Variants in RTN4RL1 observed in about 807,000 individuals in gnomAD.
RTN4RL1 encodes reticulon-4 receptor-like 1.
A neutral mutation model predicts 25.6 loss-of-function variants in RTN4RL1; 7 were observed. That is an observed-to-expected ratio of 0.27 (90% confidence interval 0.16 to 0.51). RTN4RL1 has a LOEUF of 0.51. RTN4RL1 is among the 20% of genes least tolerant of loss of function. RTN4RL1 has a pLI of 0.97. For synonymous variants in RTN4RL1, 297 were observed against 288.2 expected (o/e 1.03, Z -0.31); for missense variants, 500 against 615.6 (o/e 0.81, Z 1.99).
At chr17:2,018,586 A>G (rs2067157684) in intron 1 of RTN4RL1, among the ~76,000 whole-genome samples, 1 of 152,182 alleles carries the variant, frequency 6.6e-6, no homozygotes, top group Non-Finnish European at 1.5e-5. Flanking sequence ...AGAAATCAAG[A>G]CAGATGGGCA....
intron 1 of RTN4RL1, among the ~76,000 whole-genome samples, chr17:1,955,676 C>G (rs545535128): frequency 2.6e-5 from 4 of 151,756 alleles, no homozygotes; most frequent in Non-Finnish European, 5.9e-5. Flanking sequence ...CTCCACCTCC[C>G]GGGTTCAAGC....
intron 1 of RTN4RL1, among the ~76,000 whole-genome samples, chr17:1,943,828 C>A (rs999959002): frequency 6.6e-6 from 1 of 152,182 alleles, no homozygotes; most frequent in African/African-American, 2.4e-5. Context: ...TATTGCTGGA[C>A]GTGGGGCGTG....
intron 1 of RTN4RL1, among the ~76,000 whole-genome samples, chr17:2,014,689 G>C (rs373941370): frequency 2.0e-5 from 3 of 152,104 alleles, no homozygotes; most frequent in Non-Finnish European, 4.4e-5. Flanking sequence ...AAAATTAGCC[G>C]GGTGTGGTGG....
At chr17:1,968,789 G>A (rs138386216) in intron 1 of RTN4RL1, among the ~76,000 whole-genome samples, 151 of 152,348 alleles carry the variant, frequency 9.9e-4, no homozygotes, top group African/African-American at 3.4e-3. Flanking sequence ...CTTGGCACAG[G>A]CTAAGGGGAT....
intron 1 of RTN4RL1, among the ~76,000 whole-genome samples, chr17:1,945,694 C>T (rs1375499795): frequency 6.6e-6 from 1 of 152,220 alleles, no homozygotes; most frequent in Non-Finnish European, 1.5e-5. Context: ...TCTTCTAATA[C>T]ACTACGTGAT....
rs530585628 is a variant in RTN4RL1, at chr17:1,964,335, C to T, written c.14-26527G>A. 5.3e-5 allele frequency among the ~76,000 whole-genome samples: 8 copies of T among 152,290 alleles called. No individual in the cohort carries two copies. In the East Asian group the frequency reaches 1.3e-3, roughly 26 times the overall value. On this transcript the variant is annotated intron_variant, in intron 1 of 1. Transcript: ENST00000331238. ...CAGTGTGGCTCCTCACGCCTGGAAT[C>T]CCAGCTCTTTGAGAGGCTGAAGTGG... is the stretch of plus-strand genomic sequence containing the variant.
intron 1 of RTN4RL1, among the ~76,000 whole-genome samples, chr17:2,000,732 C>T (rs943227887): frequency 2.6e-5 from 4 of 152,016 alleles, no homozygotes; most frequent in African/African-American, 9.7e-5. Flanking sequence ...GTTGGCCAGG[C>T]TGGTCTTGAA....
At chr17:1,967,951 G>A (rs1384038850) in intron 1 of RTN4RL1, among the ~76,000 whole-genome samples, 2 of 152,062 alleles carry the variant, frequency 1.3e-5, no homozygotes, top group East Asian at 3.9e-4. Flanking sequence ...TCCAGTCTCT[G>A]TCTTGCCTCA....
chr17:1,965,212 T>A (rs2066785364), intron 1 of RTN4RL1, among the ~76,000 whole-genome samples: 1 of 150,834 alleles, frequency 6.6e-6, no homozygotes, highest in East Asian at 2.0e-4. Context: ...CGGGTTCAAG[T>A]GATTCTCTTG....
At chr17:2,001,684 T>A (rs1217199112) in intron 1 of RTN4RL1, 1 of 152,306 alleles carries the variant, frequency 6.6e-6, no homozygotes, top group Non-Finnish European at 1.5e-5. Flanking sequence ...TGGGTCTTTC[T>A]GAGACCAAAG....
chr17:1,979,847 A>G (rs866819470), intron 1 of RTN4RL1, among the ~76,000 whole-genome samples: 56 of 152,064 alleles, frequency 3.7e-4, no homozygotes, highest in African/African-American at 1.3e-3. Context: ...GCTTACCGCT[A>G]GGCAGGCCAA....
intron 1 of RTN4RL1, among the ~76,000 whole-genome samples, chr17:1,967,449 CA>C (rs1171235328): frequency 7.5e-4 from 114 of 152,158 alleles, no homozygotes; most frequent in African/African-American, 2.7e-3. Context: ...CCCCTTGAAC[CA>C]CAAAACCCGC....
intron 1 of RTN4RL1, among the ~76,000 whole-genome samples, chr17:1,942,724 C>T (rs545208393): frequency 6.6e-6 from 1 of 152,110 alleles, no homozygotes; most frequent in Non-Finnish European, 1.5e-5. Flanking sequence ...ATGGGGGCAG[C>T]TCAGGCGGGT....
At chr17:1,967,555 C>G (rs957644355) in intron 1 of RTN4RL1, among the ~76,000 whole-genome samples, 5 of 150,912 alleles carry the variant, frequency 3.3e-5, no homozygotes, top group Admixed American at 2.0e-4. Flanking sequence ...TCTCCCTCTT[C>G]GAGCCCTACA....
intron 1 of RTN4RL1, among the ~76,000 whole-genome samples, chr17:1,991,457 A>T (rs1308905302): frequency 6.9e-6 from 1 of 145,666 alleles, no homozygotes; most frequent in Non-Finnish European, 1.5e-5. Flanking sequence ...AAAAAAAAAA[A>T]AAAAAACAAA....
At position 2,022,445 on chromosome 17, in the gene RTN4RL1, C is replaced by G. The variant is rs563980126; in HGVS notation, c.13+2408G>C. Among the ~76,000 whole-genome samples, 92 of 152,334 alleles carry G rather than the reference C, an allele frequency of 6.0e-4. 1 individual carries two copies. Among genetic ancestry groups the G allele is most frequent in the Admixed American group, 1.6e-3 (25 of 15,302 alleles). On this transcript the variant is annotated intron_variant, in intron 1 of 1. Transcript: ENST00000331238. ...GGGATTACAGCCATGAGCCACCACA[C>G]CTGGCCTCCTGTATCATTTTCGCTT...
chr17:1,936,424 T>TA lies in RTN4RL1; in HGVS notation c.*71dup, dbSNP rs928589195. The TA allele has an allele frequency of 2.0e-6, 3 of 1,464,218 alleles. No homozygotes were observed. The highest frequency in any genetic ancestry group is 1.4e-5 in the African/African-American group (1 of 70,446). The allele number at this position is 1,464,218 out of a possible 1,614,324, so 90.7% of individuals were successfully genotyped here. On this transcript the variant is annotated 3_prime_UTR_variant, in exon 2 of 2. Transcript: ENST00000331238. The stretch of plus-strand genomic sequence containing the variant: ...GAAACCCAGCAGATCTTCCACTTGT[T>TA]AAAAAAAGAAGAAAATAAATTCTGT...
intron 1 of RTN4RL1, among the ~76,000 whole-genome samples, chr17:1,966,027 C>T (rs189411474): frequency 3.9e-5 from 6 of 152,278 alleles, no homozygotes; most frequent in African/African-American, 1.2e-4. Context: ...AAGCACATCA[C>T]GAGCGGCTCT....
At chr17:2,017,737 T>A (rs941009271) in intron 1 of RTN4RL1, 2 of 152,342 alleles carry the variant, frequency 1.3e-5, no homozygotes, top group African/African-American at 4.8e-5. Flanking sequence ...ACTCTTTTGC[T>A]GTGCCAGCAC....
Sources: allele counts gnomAD v4.1 joint callset (sites outside exome capture counted in the v4.1 genomes callset), GRCh38; gene constraint gnomAD v4.1.1; transcripts MANE v1.5; gene names NCBI Gene and HGNC (gene_info 2026-07-23, HGNC 2026-07-21).